Variants in COL20A1 observed in about 807,000 individuals in gnomAD.
COL20A1 encodes the protein collagen type XX alpha 1 chain.
A neutral mutation model predicts 152.9 loss-of-function variants in COL20A1; 164 were observed. The ratio of observed to expected loss-of-function variants is 1.07; its 90% CI spans 0.94 to 1.22. The LOEUF (loss-of-function observed/expected upper bound fraction) is 1.22. Ranked by LOEUF, COL20A1 falls within the 50% of genes most tolerant of loss-of-function variation. COL20A1 has a pLI of 0.00. For missense variants in COL20A1, 1,873 were observed against 1,744.8 expected (o/e 1.07, Z -1.31); for synonymous variants, 864 against 756.0 (o/e 1.14, Z -2.34).
In COL20A1 at chr20:63,319,928, ACCCCAGGT is replaced by A; in HGVS notation, c.2917-107_2917-100del. On this transcript the variant is annotated intron_variant, in intron 23 of 35. Coordinates refer to ENST00000358894, the MANE Select transcript of COL20A1 (RefSeq NM_020882.4). This position sits in a 1 kb window ranked among gnomAD's most constrained non-coding sequence, Gnocchi z 4.4. Reference sequence around the variant, plus strand: ...AACCTGAGGTGAGGTCAGGTTCCTGACCCCAGGTCCCAGGGATGGGTGTTACTCCCCAG... The same window carrying A: ...AACCTGAGGTGAGGTCAGGTTCCTGACCCAGGGATGGGTGTTACTCCCCAG... 9.1e-7 allele frequency: 1 copy of A among 1,095,306 alleles called. No homozygotes were observed. Among genetic ancestry groups the A allele is most frequent in the Non-Finnish European group, 1.3e-6 (1 of 781,080 alleles). The allele number at this position is 1,095,306 out of a possible 1,614,324, so 67.8% of individuals were successfully genotyped here. A position where few individuals can be genotyped will look rare whatever the true frequency, so the allele number is the denominator to read the frequency against.
At chr20:63,326,656 G>C in intron 30 of COL20A1, 96 bp from the exon 31 acceptor site, 2 of 816,442 alleles carry the variant, frequency 2.4e-6, no homozygotes, top group Non-Finnish European at 3.6e-6. Context: ...GCCCTTGTCA[G>C]GTCAGGGGGC....
intron 3 of COL20A1, among the ~76,000 whole-genome samples, chr20:63,304,853 T>A (rs1001692312): frequency 2.0e-5 from 3 of 152,222 alleles, no homozygotes; most frequent in Non-Finnish European, 4.4e-5. Flanking sequence ...GCCTCCTGAG[T>A]GCTCTTTCAA....
chr20:63,316,034 G>T (rs1248130552), intron 20 of COL20A1, among the ~76,000 whole-genome samples: 5 of 152,194 alleles, frequency 3.3e-5, no homozygotes, highest in African/African-American at 7.2e-5. Context: ...GCTCGCCAGG[G>T]AATGGGGTCA....
rs1195516461 is a variant in COL20A1, at chr20:63,327,539, C to G, written c.3529-413C>G. ...CTCCATGGGCCCCCCCTTAGGTGGGCTCCAGGTTCACCAAGGAGCTGGGGA... is the reference window on the plus strand; with the variant it reads ...CTCCATGGGCCCCCCCTTAGGTGGGGTCCAGGTTCACCAAGGAGCTGGGGA... On this transcript the variant is annotated intron_variant, in intron 31 of 35. Coordinates refer to ENST00000358894, the MANE Select transcript of COL20A1 (RefSeq NM_020882.4). The G allele has an allele frequency of 1.9e-5, 4 of 210,374 alleles. No homozygotes were observed. In the East Asian group the frequency reaches 4.6e-4, roughly 24 times the overall value. The allele number at this position is 210,374 out of a possible 1,614,324, so 13.0% of individuals were successfully genotyped here.
At chr20:63,297,840 G>A in intron 2 of COL20A1, 70 bp from the exon 3 acceptor site, 1 of 1,218,112 alleles carries the variant, frequency 8.2e-7, no homozygotes. Flanking sequence ...CAGGATGCCT[G>A]TACCCCCACA....
chr20:63,320,337 A>T lies in COL20A1; in HGVS notation c.3122A>T (p.Asp1041Val). The stretch of plus-strand genomic sequence containing the variant: ...ATCGTGTGCAGTGACACCTGGGCCG[A>T]TGAGGACCGGTGCTGTGAGCTCCCT... ...LQIVCSDTWA[D>V]EDRCCELPAS... Residue 1041 changes from aspartate to valine, a missense_variant, in exon 25 of 36, where the codon GAT (aspartate) becomes GTT (valine). Physicochemically the swap from Asp to Val is radical, Grantham distance 152 (BLOSUM62 -3). Coordinates refer to ENST00000358894, the MANE Select transcript of COL20A1 (RefSeq NM_020882.4). The T allele has an allele frequency of 1.2e-6, 2 of 1,611,320 alleles. No homozygotes were observed. Among genetic ancestry groups the T allele is most frequent in the South Asian group, 1.1e-5 (1 of 91,072 alleles).
rs577136410 is a variant in COL20A1 at position 63,326,794 on chromosome 20, C to T, written c.3499C>T (p.Arg1167Ter). ...AGGGGCCAGGGGCACTAGTGGAGAG[C>T]GAGGACCTCCAGGGACCGTGGGGCC... ...MAGARGTSGE[R>*]GPPGTVGPTG... The change falls in exon 31 of 36, where the codon CGA (arginine) becomes TGA (stop). Residue 1167 changes from arginine to a stop codon, truncating the protein, a stop_gained. Coordinates refer to ENST00000358894, the MANE Select transcript of COL20A1 (RefSeq NM_020882.4). LOFTEE classifies it high-confidence loss of function. The T allele has an allele frequency of 4.3e-5, 65 of 1,500,412 alleles. No homozygotes were observed. Among genetic ancestry groups the T allele is most frequent in the Non-Finnish European group, 5.5e-5 (63 of 1,136,796 alleles). 92.9% of individuals were successfully genotyped at this position (1,500,412 alleles called of 1,614,324 possible).
intron 28 of COL20A1, 55 bp downstream of exon 28, chr20:63,325,549 A>C (rs2068232699): frequency 1.3e-6 from 2 of 1,493,922 alleles, no homozygotes; most frequent in Admixed American, 1.7e-5. Flanking sequence ...GGGGAAGGAC[A>C]GGGATGGAGA....
rs762673268 is a variant in COL20A1, at chr20:63,311,735, C to G, written c.1650C>G (p.Ile550Met). 4.4e-6 allele frequency: 7 copies of G among 1,593,788 alleles called. No homozygotes were observed. Among genetic ancestry groups the G allele is most frequent in the Non-Finnish European group, 6.0e-6 (7 of 1,174,802 alleles). Residue 550 changes from isoleucine to methionine, a missense_variant, in exon 13 of 36, where the codon ATC (isoleucine) becomes ATG (methionine). By Grantham distance (10) the Ile-to-Met change is conservative. Transcript: ENST00000358894. The surrounding 1 kb of genome is among the most constrained non-coding windows in gnomAD (Gnocchi z 4.4). Reference sequence around the variant, plus strand: ...CTGAGGGCAGCGAGGCCCGGGGCATCCGTGCCAGGACCCGTGAGTGCTCCA... The same window carrying G: ...CTGAGGGCAGCGAGGCCCGGGGCATGCGTGCCAGGACCCGTGAGTGCTCCA... ...RGPEGSEARG[I>M]RARTPTLAPP... is the part of the protein sequence containing the mutation.
intron 19 of COL20A1, among the ~76,000 whole-genome samples, chr20:63,314,580 T>G (rs2068059714): frequency 6.6e-6 from 1 of 152,184 alleles, no homozygotes; most frequent in Non-Finnish European, 1.5e-5. Flanking sequence ...TCTTCCAGTC[T>G]TGGCTTGCAC....
intron 15 of COL20A1, 43 bp from the exon 16 acceptor site, chr20:63,312,749 G>A (rs1391145558): frequency 2.7e-6 from 4 of 1,506,056 alleles, no homozygotes; most frequent in East Asian, 4.9e-5. Context: ...AGGTGCCCAG[G>A]CTCAGGGGCT....
In COL20A1 at chr20:63,314,191, G is replaced by A. The variant is rs780428060; in HGVS notation, c.2478G>A (p.Thr826=). 44 of 1,561,278 alleles carry A rather than the reference G, an allele frequency of 2.8e-5. No homozygotes were observed. Among genetic ancestry groups the A allele is most frequent in the Middle Eastern group, 1.7e-4 (1 of 6,016 alleles). Residue 826 remains threonine, a synonymous_variant, in exon 19 of 36, where the codon ACG becomes ACA. Coordinates refer to ENST00000358894, the MANE Select transcript of COL20A1 (RefSeq NM_020882.4). Reference sequence around the variant, plus strand: ...GCAGGAGTGAGGCTGTGTCTGCCACGGGCCAGACAGGTGAGTGGGCACCAA... The same window carrying A: ...GCAGGAGTGAGGCTGTGTCTGCCACAGGCCAGACAGGTGAGTGGGCACCAA... ...AAGRSEAVSA[T]GQTACPALRP... is the part of the protein sequence containing the mutation.
intron 26 of COL20A1, 21 bp downstream of exon 26, chr20:63,321,120 T>C (rs2123424710): frequency 1.3e-6 from 2 of 1,541,552 alleles, no homozygotes; most frequent in South Asian, 2.4e-5. Context: ...TGGCGTCTCC[T>C]TGGGGTGACC....
intron 30 of COL20A1, 76 bp from the exon 31 acceptor site, chr20:63,326,676 A>T (rs1185508966): frequency 9.5e-7 from 1 of 1,058,118 alleles, no homozygotes; most frequent in Non-Finnish European, 1.3e-6. Context: ...CCCCTGGGAC[A>T]TCTGGGAACC....
intron 19 of COL20A1, among the ~76,000 whole-genome samples, chr20:63,314,866 C>T (rs2068064797): frequency 7.6e-6 from 1 of 131,366 alleles, no homozygotes; most frequent in African/African-American, 2.9e-5. Context: ...GACCCCAGGA[C>T]ACGCGTGCCC....
At position 63,309,728 on chromosome 20, in the gene COL20A1, A is replaced by C. The variant is rs763464712; in HGVS notation, c.1106-30A>C. ...GGACACAGCTGCCCGTGCAGTGACC[A>C]CCTGCCCCCCACTCCCGCTACTCCA... On this transcript the variant is annotated intron_variant, in intron 9 of 35. Coordinates refer to ENST00000358894, the MANE Select transcript of COL20A1 (RefSeq NM_020882.4). 9 of 1,523,820 alleles carry C rather than the reference A, an allele frequency of 5.9e-6. No homozygotes were observed. In the South Asian group the frequency reaches 1.1e-4, roughly 19 times the overall value. 94.4% of individuals were successfully genotyped at this position (1,523,820 alleles called of 1,614,324 possible).
In COL20A1 at chr20:63,311,568, G is replaced by C. The variant is rs747240203; in HGVS notation, c.1539+29G>C. ...AGCTGGGCCGGGGGGTGGCGGGGGA[G>C]GCAGAGGAGTGGGGCAGAGCGAGTG... On this transcript the variant is annotated intron_variant, in intron 12 of 35. Coordinates refer to ENST00000358894, the MANE Select transcript of COL20A1 (RefSeq NM_020882.4). This position sits in a 1 kb window ranked among gnomAD's most constrained non-coding sequence, Gnocchi z 4.4. 7 of 1,609,022 alleles carry C rather than the reference G, an allele frequency of 4.4e-6. No individual in the cohort carries two copies. The highest frequency in any genetic ancestry group is 4.2e-6 in the Non-Finnish European group (5 of 1,178,742).
At position 63,308,564 on chromosome 20, in the gene COL20A1, G is replaced by T. The variant is rs761459272; in HGVS notation, c.798G>T (p.Leu266=). The T allele has an allele frequency of 1.2e-6, 2 of 1,604,518 alleles. No individual in the cohort carries two copies. Among genetic ancestry groups the T allele is most frequent in the Admixed American group, 3.4e-5 (2 of 59,062 alleles). Residue 266 remains leucine (L), a synonymous_variant, in exon 8 of 36, where the codon CTG becomes CTT. Transcript: ENST00000358894. ...AAGGCCTTGCCCTGACCCACGTGCT[G>T]GGGCAGAACCTGCAGCCGGCGGCTG... The part of the protein sequence containing the change: ...TFTGLALTHV[L]GQNLQPAAGL...
intron 20 of COL20A1, among the ~76,000 whole-genome samples, chr20:63,315,649 T>G (rs1209667365): frequency 6.6e-6 from 1 of 152,190 alleles, no homozygotes; most frequent in East Asian, 1.9e-4. Context: ...TTATGTAAGG[T>G]CAGGGCCAGG....
Sources: gnomAD v4.1 joint callset for allele counts (sites outside exome capture counted in the v4.1 genomes callset) on GRCh38, gnomAD v4.1.1 for gene constraint, Gnocchi (gnomAD v3.1) non-coding constraint, MANE v1.5 for transcripts, NCBI Gene and HGNC (gene_info 2026-07-23, HGNC 2026-07-21) for gene names.